Variants in CNTN1 observed in about 807,000 individuals in gnomAD.
CNTN1 encodes the protein contactin 1.
A neutral mutation model predicts 126.4 loss-of-function variants in CNTN1; 38 were observed. The observed-to-expected ratio is 0.30, with a 90% CI of 0.23 to 0.39. The LOEUF is 0.39. Ranked by LOEUF, CNTN1 falls within the 10% of genes least tolerant of loss-of-function variation. The pLI is 1.00. For missense variants in CNTN1, 1,009 were observed against 1,248.4 expected, an observed-to-expected ratio of 0.81 and a Z score of 2.89; for synonymous variants, 413 against 422.6, an observed-to-expected ratio of 0.98 and a Z score of 0.28.
intron 1 of CNTN1, among the ~76,000 whole-genome samples, chr12:40,793,264 T>C (rs560829727): frequency 2.6e-5 from 4 of 152,088 alleles, no homozygotes; most frequent in Non-Finnish European, 5.9e-5. Context: ...CAGGATGGTA[T>C]ACAAACTTCA....
chr12:40,901,218 AT>A (rs1222743648), intron 1 of CNTN1, among the ~76,000 whole-genome samples: 1 of 152,250 alleles, frequency 6.6e-6, no homozygotes, highest in Non-Finnish European at 1.5e-5. Flanking sequence ...TTCTAGACAC[AT>A]TTAAATTCTC....
intron 1 of CNTN1, among the ~76,000 whole-genome samples, chr12:40,880,448 T>A (rs925940382): frequency 7.9e-5 from 12 of 152,082 alleles, no homozygotes; most frequent in African/African-American, 2.9e-4. Context: ...CAGGATATAA[T>A]GATAAATACC....
intron 1 of CNTN1, among the ~76,000 whole-genome samples, chr12:40,832,933 C>T (rs1452379941): frequency 1.3e-5 from 2 of 152,132 alleles, no homozygotes; most frequent in African/African-American, 2.4e-5. Context: ...TGCTCCTGTT[C>T]GTTCTGGTGA....
intron 1 of CNTN1, among the ~76,000 whole-genome samples, chr12:40,857,984 A>T (rs1038056684): frequency 6.6e-6 from 1 of 152,190 alleles, no homozygotes; most frequent in Non-Finnish European, 1.5e-5. Context: ...TCTTTGGGTT[A>T]GGAGCATGGG....
At chr12:40,738,699 A>G (rs1310873614) in intron 1 of CNTN1, among the ~76,000 whole-genome samples, 1 of 152,030 alleles carries the variant, frequency 6.6e-6, no homozygotes, top group Non-Finnish European at 1.5e-5. Flanking sequence ...GAGAAGAGAA[A>G]ATCTCAATAG....
At chr12:40,713,988 G>A (rs984865026) in intron 1 of CNTN1, among the ~76,000 whole-genome samples, 2 of 151,962 alleles carry the variant, frequency 1.3e-5, no homozygotes, top group African/African-American at 2.4e-5. Context: ...TGGGTAACTG[G>A]GATTCTGCCG....
Position 40,822,153 on chromosome 12 carries a change from T to TTTTTTTTTTTTTTTTTTTTG in CNTN1, c.-76-86203_-76-86184dup, listed in dbSNP as rs1390073813. 1.9e-5 allele frequency among the ~76,000 whole-genome samples: 2 copies of TTTTTTTTTTTTTTTTTTTTG among 105,616 alleles called. 1 individual carries two copies. The highest frequency in any genetic ancestry group is 3.6e-5 in the Non-Finnish European group (2 of 55,240). The allele number at this position is 105,616 out of a possible 152,430, so 69.3% of individuals were successfully genotyped here. A position where few individuals can be genotyped will look rare whatever the true frequency, so the allele number is the denominator to read the frequency against. Reference sequence around the variant, plus strand: ...AGTCTAGACAAAATATAAATCTTTTTTTTTTTTTTTTTTTTTTTTGAGGCA... The same window carrying TTTTTTTTTTTTTTTTTTTTG: ...AGTCTAGACAAAATATAAATCTTTTTTTTTTTTTTTTTTTTTTTTGTTTTTTTTTTTTTTTTTTTGAGGCA... On this transcript the variant is annotated intron_variant, in intron 1 of 23. Coordinates refer to ENST00000551295, the MANE Select transcript of CNTN1 (RefSeq NM_001843.4).
In CNTN1 at chr12:40,777,971, A is replaced by G. The variant is rs145757240; in HGVS notation, c.-77+85379A>G. ...AAAGCACATCATGACAAGATACCAG[A>G]TTATGGAAGTCCTTACGCTAATGTA... On this transcript the variant is annotated intron_variant, in intron 1 of 23. Coordinates refer to ENST00000551295, the MANE Select transcript of CNTN1 (RefSeq NM_001843.4). Among the ~76,000 whole-genome samples the G allele has an allele frequency of 1.5e-4, 23 of 151,982 alleles. No homozygotes were observed. In the East Asian group the frequency reaches 4.5e-3, roughly 29 times the overall value.
chr12:41,063,318 C>T (rs987466562), intron 23 of CNTN1, among the ~76,000 whole-genome samples: 12 of 152,164 alleles, frequency 7.9e-5, no homozygotes, highest in African/African-American at 2.9e-4. Context: ...GAGCAAAGTC[C>T]TGAAACACGT....
intron 1 of CNTN1, among the ~76,000 whole-genome samples, chr12:40,791,169 T>G (rs1940206717): frequency 6.6e-6 from 1 of 152,168 alleles, no homozygotes; most frequent in Non-Finnish European, 1.5e-5. Context: ...GATAGATATT[T>G]AGTTCATCAA....
chr12:40,968,743 A>C (rs375523550), intron 15 of CNTN1, among the ~76,000 whole-genome samples: 1 of 152,162 alleles, frequency 6.6e-6, no homozygotes, highest in Non-Finnish European at 1.5e-5. Context: ...AAAGAAAAAA[A>C]ATATATTTTC....
chr12:40,908,561 T>C, intron 2 of CNTN1, 68 bp downstream of exon 2: 1 of 1,160,334 alleles, frequency 8.6e-7, no homozygotes, highest in Non-Finnish European at 1.3e-6. Context: ...GTTTATTAAA[T>C]GTATTGTATG....
At chr12:40,949,417 TACC>T (rs1946572838) in intron 14 of CNTN1, among the ~76,000 whole-genome samples, 1 of 100,166 alleles carries the variant, frequency 1.0e-5, no homozygotes, top group Non-Finnish European at 2.1e-5. Flanking sequence ...ATGCTATCCC[TACC>T]CCCCCTCCCC....
At chr12:41,052,441 C>T (rs1170027637) in intron 23 of CNTN1, among the ~76,000 whole-genome samples, 5 of 152,142 alleles carry the variant, frequency 3.3e-5, no homozygotes, top group Non-Finnish European at 7.4e-5. Context: ...ACAACACAGA[C>T]ACAATAAATA....
intron 1 of CNTN1, among the ~76,000 whole-genome samples, chr12:40,848,003 C>T (rs1025970822): frequency 6.6e-6 from 1 of 152,204 alleles, no homozygotes; most frequent in African/African-American, 2.4e-5. Flanking sequence ...TGCCACTGAT[C>T]TGACAGGAGC....
intron 1 of CNTN1, among the ~76,000 whole-genome samples, chr12:40,854,896 G>A (rs78715668): frequency 0.012 from 1,782 of 152,248 alleles, 26 homozygotes; most frequent in African/African-American, 0.042. Context: ...CCAGAGGCAA[G>A]AGGGCTGAAA....
chr12:40,840,392 G>A (rs11178696), intron 1 of CNTN1, among the ~76,000 whole-genome samples: 5,547 of 151,928 alleles, frequency 0.037, 198 homozygotes, highest in East Asian at 0.18. Context: ...AAGAATAATA[G>A]TGAGAGACTT....
chr12:40,791,012 T>C (rs988359297), intron 1 of CNTN1, among the ~76,000 whole-genome samples: 29 of 152,230 alleles, frequency 1.9e-4, no homozygotes, highest in African/African-American at 7.0e-4. Flanking sequence ...AGTCTATGCC[T>C]GGGGTTAGGA....
At chr12:40,851,452 AG>A (rs1756530867) in intron 1 of CNTN1, among the ~76,000 whole-genome samples, 1 of 152,236 alleles carries the variant, frequency 6.6e-6, no homozygotes, top group Non-Finnish European at 1.5e-5. Flanking sequence ...GCAGTCAAAA[AG>A]GAAGTCTTAT....
Sources: allele counts gnomAD v4.1 joint callset (sites outside exome capture counted in the v4.1 genomes callset), GRCh38; gene constraint gnomAD v4.1.1; transcripts MANE v1.5; gene names NCBI Gene and HGNC (gene_info 2026-07-23, HGNC 2026-07-21).